RIMS1: variants seen among roughly 807,000 people sequenced by gnomAD.
The protein encoded by RIMS1 is regulating synaptic membrane exocytosis protein 1.
Under a neutral mutation model 214.1 loss-of-function variants are expected in RIMS1, and 83 were observed. The ratio of observed to expected loss-of-function variants is 0.39; its 90% CI spans 0.32 to 0.47. The LOEUF (loss-of-function observed/expected upper bound fraction) is 0.47, where lower values mean the gene tolerates loss of function less well. Ranked by LOEUF, RIMS1 falls within the 20% of genes least tolerant of loss-of-function variation. RIMS1 has a pLI of 0.99. For synonymous variants in RIMS1, 793 were observed against 786.8 expected (o/e 1.01, Z -0.13); for missense variants, 2,050 against 2,161.8 (o/e 0.95, Z 1.03).
At chr6:71,893,836 A>G (rs910026703) in intron 1 of RIMS1, among the ~76,000 whole-genome samples, 5 of 152,200 alleles carry the variant, frequency 3.3e-5, no homozygotes, top group Non-Finnish European at 7.4e-5. Flanking sequence ...ATGCTTACTT[A>G]AAGGCAAAAT....
intron 1 of RIMS1, among the ~76,000 whole-genome samples, chr6:71,891,868 G>A (rs1334973504): frequency 2.6e-5 from 4 of 152,172 alleles, no homozygotes; most frequent in Non-Finnish European, 4.4e-5. Context: ...GTAAACTTGT[G>A]CAGTGAGCTT....
At chr6:72,389,958 G>A (rs1372095836) in intron 29 of RIMS1, among the ~76,000 whole-genome samples, 1 of 152,182 alleles carries the variant, frequency 6.6e-6, no homozygotes, top group African/African-American at 2.4e-5. Context: ...ATGCAGCTGA[G>A]TCAAAAGGCC....
intron 6 of RIMS1, among the ~76,000 whole-genome samples, chr6:72,221,701 T>G (rs984611763): frequency 6.6e-6 from 1 of 152,048 alleles, no homozygotes; most frequent in Non-Finnish European, 1.5e-5. Flanking sequence ...GACTTTAGTT[T>G]TATTTATAGT....
chr6:71,947,828 T>C (rs901889330), intron 1 of RIMS1, among the ~76,000 whole-genome samples: 1 of 151,868 alleles, frequency 6.6e-6, no homozygotes, highest in Non-Finnish European at 1.5e-5. Context: ...AAAAATAAAA[T>C]TAACAAAATA....
At chr6:71,978,412 A>T (rs1397168110) in intron 2 of RIMS1, among the ~76,000 whole-genome samples, 2 of 152,082 alleles carry the variant, frequency 1.3e-5, no homozygotes, top group Non-Finnish European at 2.9e-5. Context: ...CTTATTTAAA[A>T]TTTTTTATTG....
intron 6 of RIMS1, among the ~76,000 whole-genome samples, chr6:72,213,977 A>G (rs1458458348): frequency 1.3e-5 from 2 of 152,224 alleles, no homozygotes; most frequent in Non-Finnish European, 2.9e-5. Flanking sequence ...AATATTTTAA[A>G]TGAGTAAATA....
At chr6:71,969,580 G>A (rs879636450) in intron 2 of RIMS1, among the ~76,000 whole-genome samples, 38 of 152,116 alleles carry the variant, frequency 2.5e-4, no homozygotes, top group Admixed American at 2.1e-3. Context: ...AGGCTGAGGC[G>A]GGTGGATCAC....
chr6:72,321,393 G>C (rs528406173), intron 28 of RIMS1, among the ~76,000 whole-genome samples: 2 of 151,990 alleles, frequency 1.3e-5, no homozygotes, highest in Non-Finnish European at 2.9e-5. Flanking sequence ...GTATGCATTT[G>C]TTTTTGTATG....
intron 4 of RIMS1, among the ~76,000 whole-genome samples, chr6:72,152,867 A>G (rs1436178587): frequency 2.5e-5 from 3 of 121,738 alleles, no homozygotes; most frequent in Admixed American, 1.9e-4. Flanking sequence ...ATATATATGT[A>G]TATATATGGA....
At chr6:72,298,151 C>CTATA (rs2154264904) in intron 26 of RIMS1, among the ~76,000 whole-genome samples, 1 of 151,898 alleles carries the variant, frequency 6.6e-6, no homozygotes, top group Admixed American at 6.6e-5. Flanking sequence ...GTTGGTTACC[C>CTATA]TATAGGGAAC....
At chr6:72,052,293 T>G (rs1824926188) in intron 2 of RIMS1, among the ~76,000 whole-genome samples, 1 of 152,194 alleles carries the variant, frequency 6.6e-6, no homozygotes, top group Non-Finnish European at 1.5e-5. Context: ...ATATTTTCCA[T>G]CGTAAGTCAG....
chr6:72,014,297 C>T (rs887199153), intron 2 of RIMS1, among the ~76,000 whole-genome samples: 2 of 152,240 alleles, frequency 1.3e-5, no homozygotes, highest in Non-Finnish European at 2.9e-5. Flanking sequence ...ATTCAGTTAT[C>T]TCCATCTGGT....
At chr6:71,893,874 A>G (rs1002033910) in intron 1 of RIMS1, among the ~76,000 whole-genome samples, 2 of 152,206 alleles carry the variant, frequency 1.3e-5, no homozygotes, top group Non-Finnish European at 2.9e-5. Flanking sequence ...AGGTGACTGT[A>G]CATGTTGATT....
chr6:71,927,338 T>C (rs1460512088), intron 1 of RIMS1, among the ~76,000 whole-genome samples: 2 of 152,146 alleles, frequency 1.3e-5, no homozygotes, highest in Non-Finnish European at 2.9e-5. Flanking sequence ...TACTGCACAA[T>C]TTTGTGCAAT....
At chr6:72,396,101 GGTTT>G (rs2098772704) in intron 31 of RIMS1, among the ~76,000 whole-genome samples, 1 of 150,624 alleles carries the variant, frequency 6.6e-6, no homozygotes, top group Non-Finnish European at 1.5e-5. Context: ...ACACATGGTT[GGTTT>G]AATATTTGAA....
intron 4 of RIMS1, among the ~76,000 whole-genome samples, chr6:72,141,012 T>C (rs1159863525): frequency 6.6e-6 from 1 of 152,030 alleles, no homozygotes; most frequent in East Asian, 1.9e-4. Context: ...CTTGGTAATT[T>C]ACCCAGTTGA....
intron 13 of RIMS1, 61 bp downstream of exon 13, chr6:72,250,521 T>G (rs2072758017): frequency 8.0e-7 from 1 of 1,248,384 alleles, no homozygotes; most frequent in Non-Finnish European, 1.1e-6. Flanking sequence ...AAGGTAGAAT[T>G]TTCTCTTTTG....
chr6:72,222,044 C>T (rs753846866), intron 6 of RIMS1, among the ~76,000 whole-genome samples: 15 of 151,698 alleles, frequency 9.9e-5, no homozygotes, highest in Middle Eastern at 3.4e-3. Context: ...CAATTGGGAA[C>T]GTTTTGTTAT....
chr6:72,055,598 A>G (rs1225268260), intron 2 of RIMS1, among the ~76,000 whole-genome samples: 3 of 152,068 alleles, frequency 2.0e-5, no homozygotes, highest in Non-Finnish European at 4.4e-5. Context: ...GTTCAATGGG[A>G]TTGCCTCCAG....
Sources: allele counts gnomAD v4.1 joint callset (sites outside exome capture counted in the v4.1 genomes callset), GRCh38; gene constraint gnomAD v4.1.1; transcripts MANE v1.5; gene names NCBI Gene and HGNC (gene_info 2026-07-23, HGNC 2026-07-21).